The following VAV2 variants were observed in gnomAD, a reference collection of about 807,000 sequenced individuals.
The protein encoded by VAV2 is guanine nucleotide exchange factor VAV2.
Under a neutral mutation model 132.5 loss-of-function variants are expected in VAV2, and 67 were observed. The observed-to-expected ratio is 0.51, with a 90% CI of 0.42 to 0.62. The LOEUF (loss-of-function observed/expected upper bound fraction) is 0.62. Ranked by LOEUF, VAV2 falls within the 20% of genes least tolerant of loss-of-function variation. The pLI, the probability that VAV2 is intolerant of heterozygous loss-of-function variation, is 0.00. For missense variants in VAV2, 938 were observed against 1,153.6 expected (o/e 0.81, Z 2.71); for synonymous variants, 492 against 443.5 (o/e 1.11, Z -1.37).
intron 2 of VAV2, among the ~76,000 whole-genome samples, chr9:133,881,142 G>A (rs556046446): frequency 6.6e-6 from 1 of 152,334 alleles, no homozygotes; most frequent in African/African-American, 2.4e-5. Context: ...AGGTGGTGGA[G>A]CTAGGACTGG....
chr9:133,867,787 T>C (rs540130068), intron 2 of VAV2, among the ~76,000 whole-genome samples: 3 of 152,346 alleles, frequency 2.0e-5, no homozygotes, highest in South Asian at 4.1e-4. Context: ...CATGGTCCTC[T>C]AGCTGGACGA....
At chr9:133,898,743 G>A (rs1839316594) in intron 2 of VAV2, among the ~76,000 whole-genome samples, 1 of 152,014 alleles carries the variant, frequency 6.6e-6, no homozygotes, top group East Asian at 1.9e-4. Context: ...CTGGTGCTGT[G>A]GCTCTCCTGG....
At chr9:133,917,600 T>A (rs1311948984) in intron 2 of VAV2, among the ~76,000 whole-genome samples, 1 of 152,286 alleles carries the variant, frequency 6.6e-6, no homozygotes, top group East Asian at 1.9e-4. Context: ...GTTGGGACTT[T>A]GCCTACCCCC....
chr9:133,910,674 C>A (rs185628469), intron 2 of VAV2, among the ~76,000 whole-genome samples: 8,177 of 149,800 alleles, frequency 0.055, 692 homozygotes, highest in African/African-American at 0.18. Flanking sequence ...ATTACAAAAA[C>A]TTAGCCGAGC....
Position 133,992,125 on chromosome 9 carries a change from G to A in VAV2, c.154C>T (p.Pro52Ser). Residue 52 changes from proline to serine, a missense_variant, in exon 1 of 30, where the codon CCC (proline) becomes TCC (serine). By Grantham distance (74) the Pro-to-Ser change is moderately conservative (BLOSUM62 -1). Coordinates refer to ENST00000371850, the MANE Select transcript of VAV2 (RefSeq NM_001134398.2). This position sits in a 1 kb window ranked among gnomAD's most constrained non-coding sequence, Gnocchi z 5.5. The stretch of plus-strand genomic sequence containing the variant: ...ATGTCCTTGAGGTCGATGGAGCCGG[G>A]GGAGAGGTTGTGCAGCAGCTGGCAC... ...LLCQLLHNLS[P>S]GSIDLKDINF... The A allele has an allele frequency of 3.8e-6, 6 of 1,594,568 alleles. No individual in the cohort carries two copies. Among genetic ancestry groups the A allele is most frequent in the Non-Finnish European group, 5.1e-6 (6 of 1,171,184 alleles).
chr9:133,855,955 A>G lies in VAV2; in HGVS notation c.380+5419T>C, dbSNP rs371043546. 3.9e-5 allele frequency among the ~76,000 whole-genome samples: 6 copies of G among 152,340 alleles called. No homozygotes were observed. The South Asian group carries it at 6.2e-4, about 16-fold the overall frequency. ...TACGCAAAATATGGCCTAGCCACAC[A>G]CTGGAATGTTCCACGGCCATAAAGA... On this transcript the variant is annotated intron_variant, in intron 3 of 29. Coordinates refer to ENST00000371850, the MANE Select transcript of VAV2 (RefSeq NM_001134398.2).
At chr9:133,909,012 G>C (rs1564456618) in intron 2 of VAV2, among the ~76,000 whole-genome samples, 1 of 152,214 alleles carries the variant, frequency 6.6e-6, no homozygotes, top group African/African-American at 2.4e-5. Context: ...GAATGAACCT[G>C]ATCCGGTAAG....
chr9:133,871,277 T>G (rs1838027499), intron 2 of VAV2, among the ~76,000 whole-genome samples: 1 of 141,048 alleles, frequency 7.1e-6, no homozygotes, highest in African/African-American at 2.7e-5. Flanking sequence ...GATAAGTGAG[T>G]GGGTGGGTGG....
rs371196250 is a variant in VAV2, at chr9:133,908,245, G to A, written c.321+30858C>T. ...CCACTTAAAGCATGAGCTCCAAGGGGCCAGGAGATGGGCGGAGATGGGGTG... is the reference window on the plus strand; with the variant it reads ...CCACTTAAAGCATGAGCTCCAAGGGACCAGGAGATGGGCGGAGATGGGGTG... On this transcript the variant is annotated intron_variant, in intron 2 of 29. Transcript: ENST00000371850. Among the ~76,000 whole-genome samples the A allele has an allele frequency of 4.5e-4, 68 of 152,144 alleles. No homozygotes were observed. The South Asian group carries it at 0.014, about 31-fold the overall frequency.
intron 14 of VAV2, 31 bp downstream of exon 14, chr9:133,789,227 C>A: frequency 6.2e-7 from 1 of 1,610,638 alleles, no homozygotes; most frequent in Non-Finnish European, 8.5e-7. Flanking sequence ...TGGCGGGACG[C>A]CACCCAGCCC....
chr9:133,966,815 ACTTGAGG>A (rs1322238483), intron 1 of VAV2, among the ~76,000 whole-genome samples: 1 of 152,154 alleles, frequency 6.6e-6, no homozygotes, highest in African/African-American at 2.4e-5. Flanking sequence ...CGGGCAGATC[ACTTGAGG>A]TCAAGAGTTT....
chr9:133,958,012 C>T (rs561403576), intron 1 of VAV2, among the ~76,000 whole-genome samples: 94 of 141,096 alleles, frequency 6.7e-4, no homozygotes, highest in African/African-American at 2.3e-3. Context: ...GCAGCATGCT[C>T]GTTAAGAGTC....
intron 1 of VAV2, among the ~76,000 whole-genome samples, chr9:133,990,901 C>T (rs1419725953): frequency 6.6e-6 from 1 of 152,098 alleles, no homozygotes; most frequent in Non-Finnish European, 1.5e-5. Flanking sequence ...AGTGGGAAGG[C>T]GGCCCCTTCC....
intron 19 of VAV2, among the ~76,000 whole-genome samples, chr9:133,782,823 T>C (rs996365689): frequency 3.9e-5 from 6 of 152,218 alleles, no homozygotes; most frequent in Admixed American, 6.5e-5. Flanking sequence ...GTCTGAAACC[T>C]CTCAGGAGAG....
intron 4 of VAV2, among the ~76,000 whole-genome samples, chr9:133,832,635 T>A (rs1204298372): frequency 6.6e-6 from 1 of 152,150 alleles, no homozygotes; most frequent in Non-Finnish European, 1.5e-5. Context: ...CTTGGCTCAC[T>A]GTAACCTCCG....
chr9:133,909,256 G>C (rs564023819), intron 2 of VAV2, among the ~76,000 whole-genome samples: 11 of 152,264 alleles, frequency 7.2e-5, no homozygotes, highest in African/African-American at 2.2e-4. Context: ...CTCCTCAGAA[G>C]GGGGGTGAAG....
At position 133,763,010 on chromosome 9, in the gene VAV2, G is replaced by C. The variant is rs555892237; in HGVS notation, c.*1052C>G. The C allele has an allele frequency of 6.6e-6, 1 of 152,648 alleles. No individual in the cohort carries two copies. Among genetic ancestry groups the C allele is most frequent in the Non-Finnish European group, 1.5e-5 (1 of 68,092 alleles). The allele number at this position is 152,648 out of a possible 1,614,324, so 9.5% of individuals were successfully genotyped here. A position where few individuals can be genotyped will look rare whatever the true frequency, so the allele number is the denominator to read the frequency against. On this transcript the variant is annotated 3_prime_UTR_variant, in exon 30 of 30. Coordinates refer to ENST00000371850, the MANE Select transcript of VAV2 (RefSeq NM_001134398.2). The surrounding 1 kb of genome is among the most constrained non-coding windows in gnomAD (Gnocchi z 6.8). Reference sequence around the variant, plus strand: ...AGTTGTGGCTGGGGGAGGTAATGGGGTAGAGCCACCCCCAAGAGCACTTAT... The same window carrying C: ...AGTTGTGGCTGGGGGAGGTAATGGGCTAGAGCCACCCCCAAGAGCACTTAT...
chr9:133,979,640 C>T (rs1323876780), intron 1 of VAV2, among the ~76,000 whole-genome samples: 2 of 152,214 alleles, frequency 1.3e-5, no homozygotes, highest in African/African-American at 2.4e-5. Flanking sequence ...AATCCGGGCC[C>T]GGCCCCGCCT....
At chr9:133,843,565 T>C (rs1836809561) in intron 3 of VAV2, among the ~76,000 whole-genome samples, 1 of 152,118 alleles carries the variant, frequency 6.6e-6, no homozygotes, top group Non-Finnish European at 1.5e-5. Flanking sequence ...AACTCCTAGC[T>C]ACAGGCTTGC....
Sources: allele counts gnomAD v4.1 joint callset (sites outside exome capture counted in the v4.1 genomes callset), GRCh38; gene constraint gnomAD v4.1.1; non-coding constraint Gnocchi (gnomAD v3.1); transcripts MANE v1.5; gene names NCBI Gene and HGNC (gene_info 2026-07-23, HGNC 2026-07-21).